The following LEPROT variants were observed in gnomAD, a reference collection of about 807,000 sequenced individuals.
LEPROT encodes leptin receptor overlapping transcript, also known as leptin receptor gene-related protein.
LEPROT carries 3 observed loss-of-function variants against 15.4 expected under a neutral mutation model. The ratio of observed to expected loss-of-function variants is 0.19; its 90% CI spans 0.09 to 0.50. The LOEUF is 0.50. LEPROT is among the 20% of genes least tolerant of loss of function. LEPROT has a pLI of 0.97. For synonymous variants in LEPROT, 59 were observed against 57.5 expected (o/e 1.03, Z -0.12); for missense variants, 137 against 162.2 (o/e 0.84, Z 0.84).
chr1:65,425,503 A>G, intron 2 of LEPROT, 125 bp downstream of exon 2: 1 of 693,506 alleles, frequency 1.4e-6, no homozygotes, highest in Non-Finnish European at 2.3e-6. Flanking sequence ...AGCCCAGTTT[A>G]TGAACACAGT....
rs957262027 is a variant in LEPROT, at chr1:65,420,749, C to G, written c.16+9C>G. 1 of 1,579,968 alleles carries G rather than the reference C, an allele frequency of 6.3e-7. No homozygotes were observed. Among genetic ancestry groups the G allele is most frequent in the Non-Finnish European group, 8.6e-7 (1 of 1,165,004 alleles). On this transcript the variant is annotated intron_variant, in intron 1 of 3. Coordinates refer to ENST00000371065, the MANE Select transcript of LEPROT (RefSeq NM_017526.5). The stretch of plus-strand genomic sequence containing the variant: ...CATGGCGGGCGTTAAAGGTACATCG[C>G]GGTCCCCGGCTCGCTTGTCGTGTGG...
Position 65,425,317 on chromosome 1 carries a change from T to C in LEPROT, c.31T>C (p.Ser11Pro). Residue 11 changes from serine (S) to proline (P), a missense_variant, in exon 2 of 4, where the codon TCC (serine) becomes CCC (proline). By Grantham distance (74) the Ser-to-Pro change is moderately conservative. Coordinates refer to ENST00000371065, the MANE Select transcript of LEPROT (RefSeq NM_017526.5). ...ATTTTTCACAGCTCTCGTGGCATTA[T>C]CCTTCAGTGGGGCTATTGGACTGAC... is the stretch of plus-strand genomic sequence containing the variant. Reference protein sequence around the residue: MAGVKALVALSFSGAIGLTFL... With the variant: MAGVKALVALPFSGAIGLTFL... The C allele has an allele frequency of 4.3e-6, 7 of 1,612,098 alleles. No individual in the cohort carries two copies. The highest frequency in any genetic ancestry group is 5.1e-6 in the Non-Finnish European group (6 of 1,179,498).
chr1:65,432,617 TG>T lies in LEPROT; in HGVS notation c.*699del. 8 of 984,738 alleles carry T rather than the reference TG, an allele frequency of 8.1e-6. No individual in the cohort carries two copies. The highest frequency in any genetic ancestry group is 9.6e-6 in the Non-Finnish European group (8 of 829,746). 61.0% of individuals were successfully genotyped at this position (984,738 alleles called of 1,614,324 possible). ...CTTTCATGCTGAGGACAAGTTCAGA[TG>T]TTCAAGCCTATAATATTTAGGCAGT... On this transcript the variant is annotated 3_prime_UTR_variant, in exon 4 of 4. Transcript: ENST00000371065.
rs71058408 is a variant in LEPROT, at chr1:65,422,356, A to ATGCTGGCAACCC, written c.16+1616_16+1617insTGCTGGCAACCC. On this transcript the variant is annotated intron_variant, in intron 1 of 3. Coordinates refer to ENST00000371065, the MANE Select transcript of LEPROT (RefSeq NM_017526.5). ...ATTGTTGGCAACCATGCTGGCAACCACTGAGTGTTAGGAAGAGGCAAGGAA... is the reference window on the plus strand; with the variant it reads ...ATTGTTGGCAACCATGCTGGCAACCATGCTGGCAACCCCTGAGTGTTAGGAAGAGGCAAGGAA... Among the ~76,000 whole-genome samples the ATGCTGGCAACCC allele has an allele frequency of 2.0e-5, 3 of 152,086 alleles. No individual in the cohort carries two copies. The South Asian group carries it at 6.2e-4, about 32-fold the overall frequency.
At chr1:65,421,303 CG>C in intron 1 of LEPROT, 1 of 1,507,848 alleles carries the variant, frequency 6.6e-7, no homozygotes, top group Non-Finnish European at 8.8e-7. Flanking sequence ...CTGCTTTCTT[CG>C]GTGTTTTCTC....
intron 2 of LEPROT, among the ~76,000 whole-genome samples, chr1:65,426,794 C>G (rs894340317): frequency 1.6e-4 from 24 of 151,862 alleles, no homozygotes; most frequent in Non-Finnish European, 1.5e-5. Flanking sequence ...GTCAAGAGAT[C>G]GAGACCATCC....
Position 65,435,709 on chromosome 1 carries a change from C to T in LEPROT, c.*3790C>T, listed in dbSNP as rs1646552966. ...AGTTTGCGAAATCAGATTTTGTATC[C>T]CAATAGAACCAAAATATTTATGAGG... is the stretch of plus-strand genomic sequence containing the variant. On this transcript the variant is annotated 3_prime_UTR_variant, in exon 4 of 4. Transcript: ENST00000371065. 4.1e-6 allele frequency: 4 copies of T among 985,146 alleles called. No homozygotes were observed. Among genetic ancestry groups the T allele is most frequent in the Non-Finnish European group, 4.8e-6 (4 of 829,894 alleles). The allele number at this position is 985,146 out of a possible 1,614,324, so 61.0% of individuals were successfully genotyped here.
In LEPROT at chr1:65,432,074, G is replaced by A; in HGVS notation, c.*155G>A. On this transcript the variant is annotated 3_prime_UTR_variant, in exon 4 of 4. Transcript: ENST00000371065. ...TTTAAGAAAGACTTCATAAGTAGGA[G>A]ATGAGTTTTATTCTCAGCAAATAGA... 7.4e-7 allele frequency: 1 copy of A among 1,346,756 alleles called. No individual in the cohort carries two copies. The highest frequency in any genetic ancestry group is 9.5e-7 in the Non-Finnish European group (1 of 1,050,910). 83.4% of individuals were successfully genotyped at this position (1,346,756 alleles called of 1,614,324 possible).
chr1:65,429,790 T>A, intron 2 of LEPROT, 72 bp from the exon 3 acceptor site: 1 of 1,212,090 alleles, frequency 8.3e-7, no homozygotes, highest in East Asian at 2.7e-5. Context: ...GATTTTGAAA[T>A]AGTAGTATGT....
chr1:65,427,201 A>C (rs1431653729), intron 2 of LEPROT, among the ~76,000 whole-genome samples: 1 of 152,190 alleles, frequency 6.6e-6, no homozygotes, highest in Non-Finnish European at 1.5e-5. Flanking sequence ...TTTGGAATGT[A>C]ATACGGTATT....
chr1:65,433,638 C>A lies in LEPROT; in HGVS notation c.*1719C>A. 1.0e-6 allele frequency: 1 copy of A among 985,278 alleles called. No individual in the cohort carries two copies. Among genetic ancestry groups the A allele is most frequent in the Middle Eastern group, 5.2e-4 (1 of 1,914 alleles). The allele number at this position is 985,278 out of a possible 1,614,324, so 61.0% of individuals were successfully genotyped here. ...TGCAACGTTATTTTTTGGCCTTGTT[C>A]ATGATTTTATGTTTTCAGTGTCCTG... On this transcript the variant is annotated 3_prime_UTR_variant, in exon 4 of 4. Coordinates refer to ENST00000371065, the MANE Select transcript of LEPROT (RefSeq NM_017526.5).
Position 65,420,694 on chromosome 1 carries a change from C to T in LEPROT, c.-31C>T, listed in dbSNP as rs1463302603. 2 of 1,573,772 alleles carry T rather than the reference C, an allele frequency of 1.3e-6. No individual in the cohort carries two copies. The highest frequency in any genetic ancestry group is 8.6e-7 in the Non-Finnish European group (1 of 1,161,882). ...GGCTGCCCGGGCCGTGGCAGGAAGC[C>T]GGAAGCAGCCGCGGCCCCAGTTCGG... On this transcript the variant is annotated 5_prime_UTR_variant, in exon 1 of 4. Transcript: ENST00000371065.
intron 1 of LEPROT, among the ~76,000 whole-genome samples, chr1:65,420,972 A>G (rs1409177159): frequency 1.3e-5 from 2 of 152,166 alleles, no homozygotes; most frequent in Admixed American, 1.3e-4. Context: ...CCTGCTCTCC[A>G]GTGGCGGCAC....
In LEPROT at chr1:65,426,700, A is replaced by G. The variant is rs1400138776; in HGVS notation, c.92+1322A>G. ...AGGTGATTGGCTTGAACAACTAGAT[A>G]GAAGATGATGTGATTAGGCCAGGCA... On this transcript the variant is annotated intron_variant, in intron 2 of 3. Coordinates refer to ENST00000371065, the MANE Select transcript of LEPROT (RefSeq NM_017526.5). Among the ~76,000 whole-genome samples, 7 of 152,176 alleles carry G rather than the reference A, an allele frequency of 4.6e-5. No homozygotes were observed. The South Asian group carries it at 1.5e-3, about 32-fold the overall frequency.
chr1:65,423,877 G>A (rs1646304530), intron 1 of LEPROT, among the ~76,000 whole-genome samples: 2 of 152,140 alleles, frequency 1.3e-5, no homozygotes, highest in African/African-American at 4.8e-5. Context: ...CTTTATCAAA[G>A]AACATTGCTA....
At chr1:65,426,854 T>C (rs1252021034) in intron 2 of LEPROT, among the ~76,000 whole-genome samples, 2 of 152,168 alleles carry the variant, frequency 1.3e-5, no homozygotes, top group East Asian at 3.9e-4. Context: ...AAAAATTAGC[T>C]GGGCGTGGTG....
Position 65,435,307 on chromosome 1 carries a change from C to A in LEPROT, c.*3388C>A. 1.0e-6 allele frequency: 1 copy of A among 984,902 alleles called. No homozygotes were observed. Among genetic ancestry groups the A allele is most frequent in the Non-Finnish European group, 1.2e-6 (1 of 829,646 alleles). The allele number at this position is 984,902 out of a possible 1,614,324, so 61.0% of individuals were successfully genotyped here. A position where few individuals can be genotyped will look rare whatever the true frequency, so the allele number is the denominator to read the frequency against. ...CTGAAATAGTTCATTATGTTAATAA[C>A]CTTCTTTATGTTCTCAGGGAAATGC... On this transcript the variant is annotated 3_prime_UTR_variant, in exon 4 of 4. Transcript: ENST00000371065.
intron 3 of LEPROT, 32 bp downstream of exon 3, chr1:65,430,080 C>T (rs188176112): frequency 7.9e-6 from 12 of 1,519,946 alleles, no homozygotes; most frequent in African/African-American, 6.8e-5. Context: ...TTTGCCCAAC[C>T]GTTGCTGAGT....
chr1:65,421,599 A>T (rs1646252456), intron 1 of LEPROT: 2 of 935,416 alleles, frequency 2.1e-6, no homozygotes, highest in Admixed American at 2.2e-5. Flanking sequence ...TAGTATATAT[A>T]CGAGTACGCC....
Sources: allele counts gnomAD v4.1 joint callset (sites outside exome capture counted in the v4.1 genomes callset), GRCh38; gene constraint gnomAD v4.1.1; transcripts MANE v1.5; gene names NCBI Gene and HGNC (gene_info 2026-07-23, HGNC 2026-07-21).